Variants in SQOR observed in about 807,000 individuals in gnomAD.
The protein encoded by SQOR is sulfide quinone oxidoreductase.
Under a neutral mutation model 48.6 loss-of-function variants are expected in SQOR, and 39 were observed. The observed-to-expected ratio is 0.80, with a 90% CI of 0.62 to 1.05. The LOEUF is 1.05. Among genes scored for constraint, SQOR ranks in the 50% least tolerant of loss-of-function variants. The probability of loss-of-function intolerance (pLI) is 0.00; values close to 1 mark genes in which losing one functional copy is unlikely to be tolerated. For synonymous variants in SQOR, 220 were observed against 206.2 expected (o/e 1.07, Z -0.57); for missense variants, 561 against 559.9 (o/e 1.00, Z -0.02).
chr15:45,689,475 T>C (rs1890283289), intron 9 of SQOR: 1 of 236,048 alleles, frequency 4.2e-6, no homozygotes, highest in African/African-American at 2.3e-5. Flanking sequence ...TGGAGTGCAG[T>C]GGCACAATCT....
At chr15:45,639,426 T>A (rs1472188453) in intron 1 of SQOR, among the ~76,000 whole-genome samples, 12 of 152,212 alleles carry the variant, frequency 7.9e-5, no homozygotes, top group Admixed American at 7.9e-4. Flanking sequence ...TCATAATGAA[T>A]CTCCATGTTT....
chr15:45,684,212 C>T (rs2140962344), intron 7 of SQOR, among the ~76,000 whole-genome samples: 1 of 152,288 alleles, frequency 6.6e-6, no homozygotes. Context: ...CACGCCCAGC[C>T]TGTATTTATG....
At chr15:45,677,578 A>C (rs907962720) in intron 6 of SQOR, among the ~76,000 whole-genome samples, 1 of 152,098 alleles carries the variant, frequency 6.6e-6, no homozygotes, top group Non-Finnish European at 1.5e-5. Flanking sequence ...TTTGTCTTCT[A>C]TGACGTTGAT....
chr15:45,676,320 G>T lies in SQOR; in HGVS notation c.864+10G>T, dbSNP rs752764816. The T allele has an allele frequency of 6.2e-7, 1 of 1,613,432 alleles. No individual in the cohort carries two copies. Among genetic ancestry groups the T allele is most frequent in the Non-Finnish European group, 8.5e-7 (1 of 1,179,746 alleles). Reference sequence around the variant, plus strand: ...GACCCAAGTGATTTCAGTGAGTGGTGAGGCTAAGCTGTCAGCATGAAGCGT... The same window carrying T: ...GACCCAAGTGATTTCAGTGAGTGGTTAGGCTAAGCTGTCAGCATGAAGCGT... On this transcript the variant is annotated intron_variant, in intron 6 of 9. Transcript: ENST00000260324.
intron 1 of SQOR, among the ~76,000 whole-genome samples, chr15:45,646,598 C>G (rs1238729159): frequency 2.0e-5 from 3 of 152,160 alleles, no homozygotes; most frequent in Non-Finnish European, 4.4e-5. Flanking sequence ...ATGCCCAAAC[C>G]TTAACATTTC....
At chr15:45,639,778 A>C (rs1368108826) in intron 1 of SQOR, among the ~76,000 whole-genome samples, 1 of 152,192 alleles carries the variant, frequency 6.6e-6, no homozygotes, top group Non-Finnish European at 1.5e-5. Flanking sequence ...TGAGCACATA[A>C]ATGATGCTTG....
intron 1 of SQOR, among the ~76,000 whole-genome samples, chr15:45,656,489 C>T (rs1889614152): frequency 6.6e-6 from 1 of 151,702 alleles, no homozygotes; most frequent in Non-Finnish European, 1.5e-5. Flanking sequence ...TTGGGGTTTC[C>T]CCATGTTTTC....
chr15:45,684,878 G>A (rs965292248), intron 7 of SQOR, among the ~76,000 whole-genome samples: 1 of 152,122 alleles, frequency 6.6e-6, no homozygotes, highest in African/African-American at 2.4e-5. Flanking sequence ...GTGCATCTGC[G>A]TGGCTTTCAC....
At chr15:45,681,525 T>C (rs1253637205) in intron 6 of SQOR, among the ~76,000 whole-genome samples, 2 of 152,124 alleles carry the variant, frequency 1.3e-5, no homozygotes, top group Non-Finnish European at 2.9e-5. Context: ...CATGGGAACA[T>C]TGGACTTCTT....
chr15:45,683,351 A>C (rs1007930591), intron 7 of SQOR, among the ~76,000 whole-genome samples: 5 of 152,232 alleles, frequency 3.3e-5, no homozygotes, highest in Non-Finnish European at 2.9e-5. Context: ...AAACACATGG[A>C]AGTCAATGAA....
chr15:45,631,152 T>C, upstream of SQOR: 1 of 186,810 alleles, frequency 5.4e-6, no homozygotes, highest in South Asian at 1.4e-4. Context: ...TTCTTCCTCA[T>C]TTTCTCTTGC....
At chr15:45,654,514 G>A (rs1315410370) in intron 1 of SQOR, among the ~76,000 whole-genome samples, 1 of 152,160 alleles carries the variant, frequency 6.6e-6, no homozygotes, top group African/African-American at 2.4e-5. Context: ...ATGAAATAAA[G>A]CAGAAGTAGC....
intron 1 of SQOR, among the ~76,000 whole-genome samples, chr15:45,647,148 C>T (rs1225181986): frequency 6.6e-6 from 1 of 151,732 alleles, no homozygotes; most frequent in Non-Finnish European, 1.5e-5. Context: ...ACTCAGGAGG[C>T]TGAGACAGGA....
chr15:45,671,525 A>C (rs1478709637), intron 4 of SQOR, among the ~76,000 whole-genome samples: 1 of 152,232 alleles, frequency 6.6e-6, no homozygotes, highest in Non-Finnish European at 1.5e-5. Flanking sequence ...TTAATAGATG[A>C]GGAAACTGAG....
intron 1 of SQOR, among the ~76,000 whole-genome samples, chr15:45,655,977 G>GC (rs1457755310): frequency 1.3e-5 from 2 of 150,938 alleles, no homozygotes; most frequent in Non-Finnish European, 3.0e-5. Flanking sequence ...GAGCCACCGT[G>GC]CCTGGCCTAT....
chr15:45,635,874 C>T (rs745783714), intron 1 of SQOR, among the ~76,000 whole-genome samples: 2 of 152,088 alleles, frequency 1.3e-5, no homozygotes, highest in South Asian at 2.1e-4. Flanking sequence ...CTTGCTCTGT[C>T]GCCCAAGCTG....
At chr15:45,665,241 C>A (rs1273066224) in intron 3 of SQOR, among the ~76,000 whole-genome samples, 3 of 152,154 alleles carry the variant, frequency 2.0e-5, no homozygotes, top group Admixed American at 2.0e-4. Context: ...GCTGTAGTGT[C>A]TTGTTTTAGG....
rs375568711 is a variant in SQOR at position 45,663,919 on chromosome 15, GT to G, written c.405+1795del. 2.3e-3 allele frequency among the ~76,000 whole-genome samples: 345 copies of G among 152,274 alleles called. 1 individual carries two copies. Among genetic ancestry groups the G allele is most frequent in the African/African-American group, 7.2e-3 (301 of 41,558 alleles). The stretch of plus-strand genomic sequence containing the variant: ...GCAGTTTTAGGCATTAAGGATATGT[GT>G]AGTGAACAAAAACAGACACAAATTC... On this transcript the variant is annotated intron_variant, in intron 3 of 9. Coordinates refer to ENST00000260324, the MANE Select transcript of SQOR (RefSeq NM_021199.4).
At position 45,659,056 on chromosome 15, in the gene SQOR, G is replaced by A. The variant is rs760247500; in HGVS notation, c.133G>A (p.Glu45Lys). 20 of 1,598,596 alleles carry A rather than the reference G, an allele frequency of 1.3e-5. No homozygotes were observed. Among genetic ancestry groups the A allele is most frequent in the Non-Finnish European group, 1.7e-5 (20 of 1,173,268 alleles). The change falls in exon 2 of 10, where the codon GAG becomes AAG. Residue 45 changes from glutamate to lysine, a missense_variant. Glu to Lys is a moderately conservative substitution (Grantham distance 56). Coordinates refer to ENST00000260324, the MANE Select transcript of SQOR (RefSeq NM_021199.4). ...CAGCCATGCGGCCAGGAACCATTAT[G>A]AGGTGCTGGTGCTGGGTGGGGGCAG... Reference protein sequence around the residue: ...GASHAARNHYEVLVLGGGSGG... With the variant: ...GASHAARNHYKVLVLGGGSGG...
Sources: allele counts gnomAD v4.1 joint callset (sites outside exome capture counted in the v4.1 genomes callset), GRCh38; gene constraint gnomAD v4.1.1; transcripts MANE v1.5; gene names NCBI Gene and HGNC (gene_info 2026-07-23, HGNC 2026-07-21).